Variants in CDKAL1 observed in about 807,000 individuals in gnomAD.
CDKAL1 encodes threonylcarbamoyladenosine tRNA methylthiotransferase.
In CDKAL1, 32 loss-of-function variants were observed where a neutral mutation model predicts 68.2. That is an observed-to-expected ratio of 0.47 (90% CI 0.35 to 0.63). The LOEUF is 0.63. CDKAL1 is among the 30% of genes least tolerant of loss of function. The pLI, the probability that CDKAL1 is intolerant of heterozygous loss-of-function variation, is 0.00. For synonymous variants in CDKAL1, 234 were observed against 244.3 expected, an observed-to-expected ratio of 0.96 and a Z score of 0.39; for missense variants, 606 against 696.7, an observed-to-expected ratio of 0.87 and a Z score of 1.47.
intron 9 of CDKAL1, among the ~76,000 whole-genome samples, chr6:20,857,099 G>A (rs1210142116): frequency 2.0e-5 from 3 of 152,132 alleles, no homozygotes; most frequent in Non-Finnish European, 4.4e-5. Flanking sequence ...TTCTGCAGAG[G>A]TTATACGTTT....
At chr6:20,987,554 G>T (rs970863418) in intron 10 of CDKAL1, among the ~76,000 whole-genome samples, 2 of 152,108 alleles carry the variant, frequency 1.3e-5, no homozygotes, top group Admixed American at 1.3e-4. Flanking sequence ...ACCGTGCCTG[G>T]CTAGGAAACG....
intron 5 of CDKAL1, among the ~76,000 whole-genome samples, chr6:20,726,502 A>C (rs775560020): frequency 1.3e-5 from 2 of 152,198 alleles, no homozygotes; most frequent in Non-Finnish European, 2.9e-5. Context: ...ACTTCTTTAA[A>C]TATTTTAGAG....
At chr6:20,793,341 A>G (rs1011595501) in intron 8 of CDKAL1, among the ~76,000 whole-genome samples, 1 of 152,204 alleles carries the variant, frequency 6.6e-6, no homozygotes, top group Admixed American at 6.5e-5. Flanking sequence ...AAATAATGAC[A>G]AGGTGTCAGT....
At chr6:21,112,617 A>C (rs765745375) in intron 13 of CDKAL1, among the ~76,000 whole-genome samples, 3 of 152,198 alleles carry the variant, frequency 2.0e-5, no homozygotes, top group South Asian at 2.1e-4. Context: ...TCTTTTGATA[A>C]CTATCATTAT....
At chr6:20,777,389 T>A (rs1284972091) in intron 7 of CDKAL1, among the ~76,000 whole-genome samples, 1 of 151,950 alleles carries the variant, frequency 6.6e-6, no homozygotes, top group African/African-American at 2.4e-5. Flanking sequence ...AAGGTGGGAG[T>A]ATCACCTAAT....
chr6:21,226,867 C>G (rs1414194863), intron 15 of CDKAL1, among the ~76,000 whole-genome samples: 1 of 152,188 alleles, frequency 6.6e-6, no homozygotes, highest in African/African-American at 2.4e-5. Flanking sequence ...CTCCCGCCAC[C>G]ACGCCTGGCT....
At chr6:20,862,635 T>TTGTGTGTGTGTG (rs56736298) in intron 9 of CDKAL1, among the ~76,000 whole-genome samples, 3 of 149,104 alleles carry the variant, frequency 2.0e-5, no homozygotes, top group African/African-American at 7.5e-5. Flanking sequence ...TCTTTCCAAC[T>TTGTGTGTGTGTG]TGTGTGTGTG....
At chr6:21,216,901 T>C (rs1194408872) in intron 15 of CDKAL1, among the ~76,000 whole-genome samples, 1 of 152,198 alleles carries the variant, frequency 6.6e-6, no homozygotes, top group Non-Finnish European at 1.5e-5. Flanking sequence ...AGGAGTGGCA[T>C]TGCTGGGTTG....
chr6:20,875,712 A>T (rs923629119), intron 9 of CDKAL1, among the ~76,000 whole-genome samples: 8 of 152,334 alleles, frequency 5.3e-5, no homozygotes, highest in African/African-American at 1.9e-4. Context: ...CTATTTAATA[A>T]TCTTACAATT....
chr6:20,925,191 C>T (rs992310605), intron 9 of CDKAL1, among the ~76,000 whole-genome samples: 5 of 152,204 alleles, frequency 3.3e-5, no homozygotes, highest in African/African-American at 1.2e-4. Flanking sequence ...AATTACGACT[C>T]CCTGAAGTCT....
At chr6:20,823,154 C>T (rs1183412872) in intron 8 of CDKAL1, among the ~76,000 whole-genome samples, 1 of 152,108 alleles carries the variant, frequency 6.6e-6, no homozygotes, top group Non-Finnish European at 1.5e-5. Flanking sequence ...TCTTTCCCTA[C>T]CCTTGGTATC....
chr6:20,718,248 A>G (rs1772185875), intron 5 of CDKAL1, among the ~76,000 whole-genome samples: 1 of 152,140 alleles, frequency 6.6e-6, no homozygotes, highest in African/African-American at 2.4e-5. Context: ...TTGTGGAGTA[A>G]TACTTCCCAC....
intron 7 of CDKAL1, among the ~76,000 whole-genome samples, chr6:20,780,099 T>TAAAAAAAAAAAAAAAA (rs745598145): frequency 1.1e-5 from 1 of 89,180 alleles, no homozygotes; most frequent in African/African-American, 4.1e-5. Context: ...AACCTAACCT[T>TAAAAAAAAAAAAAAAA]AAAAAAAAAA....
chr6:20,751,174 A>T (rs1399853208), intron 6 of CDKAL1, among the ~76,000 whole-genome samples: 1 of 152,142 alleles, frequency 6.6e-6, no homozygotes, highest in Non-Finnish European at 1.5e-5. Context: ...TCAAGTGCAT[A>T]CTAAAACAGA....
At chr6:20,868,056 TAATA>T (rs1395528655) in intron 9 of CDKAL1, among the ~76,000 whole-genome samples, 2 of 53,248 alleles carry the variant, frequency 3.8e-5, no homozygotes, top group Non-Finnish European at 1.2e-4. Context: ...TACTTCTGTA[TAATA>T]AACAAATCTT....
intron 3 of CDKAL1, 51 bp from the exon 4 acceptor site, chr6:20,548,542 A>G (rs1382890437): frequency 1.1e-6 from 1 of 875,522 alleles, no homozygotes; most frequent in African/African-American, 1.7e-5. Flanking sequence ...CAAAAAAAAA[A>G]AAAATCACTC....
chr6:20,608,238 C>T (rs1226836131), intron 4 of CDKAL1, among the ~76,000 whole-genome samples: 1 of 151,940 alleles, frequency 6.6e-6, no homozygotes, highest in Non-Finnish European at 1.5e-5. Flanking sequence ...AATATATTTT[C>T]ATTGATTATG....
chr6:20,587,485 C>T (rs1765420860), intron 4 of CDKAL1, among the ~76,000 whole-genome samples: 1 of 152,082 alleles, frequency 6.6e-6, no homozygotes, highest in Admixed American at 6.6e-5. Flanking sequence ...GTAATCCCAG[C>T]ACTTTGAGAG....
chr6:20,716,339 A>G (rs2328547), intron 5 of CDKAL1, among the ~76,000 whole-genome samples: 35,681 of 152,076 alleles, frequency 0.23, 4,592 homozygotes, highest in East Asian at 0.47. Flanking sequence ...TGATATTTGA[A>G]CAGAGACTTG....
Sources: gnomAD v4.1 joint callset for allele counts (sites outside exome capture counted in the v4.1 genomes callset) on GRCh38, gnomAD v4.1.1 for gene constraint, MANE v1.5 for transcripts, NCBI Gene and HGNC (gene_info 2026-07-23, HGNC 2026-07-21) for gene names.